The following CRIP2 variants were observed in gnomAD, a reference collection of about 807,000 sequenced individuals.
CRIP2 encodes the protein cysteine-rich protein 2.
A neutral mutation model predicts 31.3 loss-of-function variants in CRIP2; 31 were observed. That is an observed-to-expected ratio of 0.99 (90% CI 0.74 to 1.34). The LOEUF (loss-of-function observed/expected upper bound fraction) is 1.34. Among genes scored for constraint, CRIP2 ranks in the 40% most tolerant of loss-of-function variants. The pLI is 0.00. For missense variants in CRIP2, 389 were observed against 301.6 expected, an observed-to-expected ratio of 1.29 and a Z score of -2.15; for synonymous variants, 177 against 127.2, an observed-to-expected ratio of 1.39 and a Z score of -2.63.
intron 1 of CRIP2, chr14:105,476,529 TG>T (rs1352652402): frequency 1.0e-6 from 1 of 985,372 alleles, no homozygotes; most frequent in Non-Finnish European, 1.2e-6. Context: ...ATCGATTCTG[TG>T]TTCCCAACTC....
rs201991904 is a variant in CRIP2, at chr14:105,479,632, C to G, written c.606C>G (p.Pro202=). Residue 202 remains proline (P), a synonymous_variant, in exon 8 of 8, where the codon CCC becomes CCG. Transcript: ENST00000329146. ...AVGSYIYDRD[P]EGKVQP ...GCAGCTACATCTATGACCGGGACCC[C>G]GAAGGCAAGGTCCAGCCCTAGGCTA... 1.2e-6 allele frequency: 2 copies of G among 1,612,600 alleles called. No individual in the cohort carries two copies. The highest frequency in any genetic ancestry group is 2.2e-5 in the East Asian group (1 of 44,874).
intron 1 of CRIP2, 110 bp downstream of exon 1, chr14:105,475,015 G>A: frequency 1.6e-6 from 2 of 1,222,476 alleles, no homozygotes; most frequent in Non-Finnish European, 2.1e-6. Context: ...CCCCGGCCCC[G>A]GACCGAGGAT....
In CRIP2 at chr14:105,479,903, C is replaced by G; in HGVS notation, c.*250C>G. The stretch of plus-strand genomic sequence containing the variant: ...TCTGCGTGTCCGAATCCCCGTGTGA[C>G]CCTGTCCCAGCATTTTCCCGCCGAC... On this transcript the variant is annotated 3_prime_UTR_variant, in exon 8 of 8. Transcript: ENST00000329146. 1.8e-6 allele frequency: 1 copy of G among 562,702 alleles called. No individual in the cohort carries two copies. The highest frequency in any genetic ancestry group is 2.1e-5 in the South Asian group (1 of 48,074). The allele number at this position is 562,702 out of a possible 1,614,324, so 34.9% of individuals were successfully genotyped here.
At chr14:105,473,555 G>A (rs978919289), upstream of CRIP2, 37 of 1,514,304 alleles carry the variant, frequency 2.4e-5, no homozygotes, top group Middle Eastern at 3.4e-4. Context: ...GACACAGGGG[G>A]AAGGGTGTCC....
chr14:105,477,229 T>A (rs1018858213), intron 1 of CRIP2: 1 of 979,034 alleles, frequency 1.0e-6, no homozygotes, highest in African/African-American at 1.8e-5. Flanking sequence ...GGCCCCTGCT[T>A]CCATCCACTG....
chr14:105,473,582 A>T (rs942381170), upstream of CRIP2: 249 of 1,473,796 alleles, frequency 1.7e-4, 1 homozygote, highest in Middle Eastern at 1.9e-3. Flanking sequence ...AGCTGCCCCC[A>T]TAGGGCCTGA....
At chr14:105,476,053 G>A (rs1164973790) in intron 1 of CRIP2, 8 of 985,636 alleles carry the variant, frequency 8.1e-6, no homozygotes, top group East Asian at 2.3e-4. Context: ...TTCTGGCGTG[G>A]CTGGGAGCCG....
chr14:105,479,315 C>T (rs1185776551), intron 6 of CRIP2, 96 bp downstream of exon 6: 1 of 1,521,022 alleles, frequency 6.6e-7, no homozygotes, highest in Non-Finnish European at 8.9e-7. Context: ...GGGGGTGGTG[C>T]TTCTGGGAGC....
intron 1 of CRIP2, chr14:105,476,003 C>T: frequency 2.0e-6 from 2 of 985,510 alleles, no homozygotes; most frequent in Non-Finnish European, 2.4e-6. Context: ...TTGTATTTTG[C>T]CCGTCCCAGA....
In CRIP2 at chr14:105,479,599, TGCGGTGGGCA is replaced by T. The variant is rs2084045731; in HGVS notation, c.576_585del (p.Val193ThrfsTer20). On this transcript the variant is annotated frameshift_variant, in exon 8 of 8. Transcript: ENST00000329146. LOFTEE classifies it high-confidence loss of function. ...CTCCCTCCACAGGAGTGAACACCGG[TGCGGTGGGCA>T]GCTACATCTATGACCGGGACCCCGA... The T allele has an allele frequency of 2.5e-6, 4 of 1,612,712 alleles. No homozygotes were observed. Among genetic ancestry groups the T allele is most frequent in the Non-Finnish European group, 3.4e-6 (4 of 1,179,916 alleles).
rs901155464 is a variant in CRIP2 at position 105,478,882 on chromosome 14, C to G, written c.337+11C>G. On this transcript the variant is annotated intron_variant, in intron 4 of 7. Transcript: ENST00000329146. This position sits in a 1 kb window ranked among gnomAD's most constrained non-coding sequence, Gnocchi z 4.9. ...AGGGGCCCAGCAGAGGTGGGCTGGG[C>G]GCGGGCTGGGGCTGGGGGTTGTGGG... 2 of 1,442,040 alleles carry G rather than the reference C, an allele frequency of 1.4e-6. No individual in the cohort carries two copies. The highest frequency in any genetic ancestry group is 1.5e-5 in the South Asian group (1 of 68,692). The allele number at this position is 1,442,040 out of a possible 1,614,324, so 89.3% of individuals were successfully genotyped here.
At chr14:105,479,374 C>T (rs967003677) in intron 6 of CRIP2, 62 bp from the exon 7 acceptor site, 2 of 1,606,482 alleles carry the variant, frequency 1.2e-6, no homozygotes, top group African/African-American at 1.3e-5. Flanking sequence ...TTCTGGAAGC[C>T]TCCAGGTGAT....
chr14:105,478,720 C>A lies in CRIP2; in HGVS notation c.197-11C>A. The stretch of plus-strand genomic sequence containing the variant: ...CCCACGTACCCCCGCCCCACGTACC[C>A]CCACCCGCAGGCGTGAACATCGGGG... On this transcript the variant is annotated splice_polypyrimidine_tract_variant and intron_variant, in intron 3 of 7. Coordinates refer to ENST00000329146, the MANE Select transcript of CRIP2 (RefSeq NM_001312.4). The surrounding 1 kb of genome is among the most constrained non-coding windows in gnomAD (Gnocchi z 4.9). 1 of 1,435,166 alleles carries A rather than the reference C, an allele frequency of 7.0e-7. No homozygotes were observed. Among genetic ancestry groups the A allele is most frequent in the Non-Finnish European group, 9.1e-7 (1 of 1,098,914 alleles). 88.9% of individuals were successfully genotyped at this position (1,435,166 alleles called of 1,614,324 possible).
chr14:105,479,346 G>A (rs1376551068), intron 6 of CRIP2, 90 bp from the exon 7 acceptor site: 11 of 1,576,602 alleles, frequency 7.0e-6, no homozygotes, highest in South Asian at 2.3e-5. Flanking sequence ...TCTCCCCCAC[G>A]GCGAGCCGGC....
chr14:105,476,978 A>G (rs1718784699), intron 1 of CRIP2: 1 of 187,454 alleles, frequency 5.3e-6, no homozygotes, highest in South Asian at 1.8e-4. Flanking sequence ...CCCTAGCCAG[A>G]TGCCCCTCCC....
At position 105,478,321 on chromosome 14, in the gene CRIP2, G is replaced by T. The variant is rs141224540; in HGVS notation, c.99G>T (p.Glu33Asp). ...GGCACAAGTTCTGCCTCAAGTGCGA[G>T]CGCTGCAGCAAGACGCTGACGCCCG... is the stretch of plus-strand genomic sequence containing the variant. ...KDWHKFCLKC[E>D]RCSKTLTPGG... The change falls in exon 2 of 8, where the codon GAG (glutamate) becomes GAT (aspartate). Residue 33 changes from glutamate to aspartate, a missense_variant. By Grantham distance (45) the Glu-to-Asp change is conservative. Transcript: ENST00000329146. This position sits in a 1 kb window ranked among gnomAD's most constrained non-coding sequence, Gnocchi z 4.9. The T allele has an allele frequency of 5.7e-6, 9 of 1,571,162 alleles. No homozygotes were observed. The highest frequency in any genetic ancestry group is 5.5e-5 in the African/African-American group (4 of 72,796).
Position 105,478,837 on chromosome 14 carries a change from G to C in CRIP2, c.303G>C (p.Arg101=), listed in dbSNP as rs2084015435. 1 of 1,428,276 alleles carries C rather than the reference G, an allele frequency of 7.0e-7. No homozygotes were observed. The highest frequency in any genetic ancestry group is 1.5e-5 in the African/African-American group (1 of 66,586). 88.5% of individuals were successfully genotyped at this position (1,428,276 alleles called of 1,614,324 possible). ...TCCCCGCGGCCCGAGCAGAGGAGCG[G>C]AAGGCGAGCGGCCCCCCGAAGGGGC... ...IEVPAARAEE[R]KASGPPKGPS... is the part of the protein sequence containing the mutation. Residue 101 remains arginine (R), a synonymous_variant, in exon 4 of 8, where the codon CGG becomes CGC. Coordinates refer to ENST00000329146, the MANE Select transcript of CRIP2 (RefSeq NM_001312.4). The surrounding 1 kb of genome is among the most constrained non-coding windows in gnomAD (Gnocchi z 4.9).
At position 105,479,698 on chromosome 14, in the gene CRIP2, C is replaced by A; in HGVS notation, c.*45C>A. On this transcript the variant is annotated 3_prime_UTR_variant, in exon 8 of 8. Transcript: ENST00000329146. ...TGTGGGCTCACCTGCGCCCCAGACC[C>A]TGCAGGGGCCCCCCTGCTTGGCTCT... is the stretch of plus-strand genomic sequence containing the variant. The A allele has an allele frequency of 6.3e-7, 1 of 1,579,746 alleles. No individual in the cohort carries two copies. The highest frequency in any genetic ancestry group is 8.6e-7 in the Non-Finnish European group (1 of 1,162,122).
chr14:105,478,676 C>T lies in CRIP2; in HGVS notation c.197-55C>T, dbSNP rs984323782. The stretch of plus-strand genomic sequence containing the variant: ...CCAGCGGGCCGTTTTCTGAGATGCC[C>T]GGTGGCCGCGGCCCCCACCCCACGT... On this transcript the variant is annotated intron_variant, in intron 3 of 7. Transcript: ENST00000329146. This position sits in a 1 kb window ranked among gnomAD's most constrained non-coding sequence, Gnocchi z 4.9. The T allele has an allele frequency of 2.0e-5, 29 of 1,449,686 alleles. No individual in the cohort carries two copies. In the African/African-American group the frequency reaches 3.6e-4, roughly 18 times the overall value. 89.8% of individuals were successfully genotyped at this position (1,449,686 alleles called of 1,614,324 possible).
Sources: gnomAD v4.1 joint callset for allele counts on GRCh38, gnomAD v4.1.1 for gene constraint, Gnocchi (gnomAD v3.1) non-coding constraint, MANE v1.5 for transcripts, NCBI Gene and HGNC (gene_info 2026-07-23, HGNC 2026-07-21) for gene names.